The following TMEM117 variants were observed in gnomAD, a reference collection of about 807,000 sequenced individuals.
TMEM117 encodes transmembrane protein 117.
TMEM117 carries 27 observed loss-of-function variants against 52.4 expected under a neutral mutation model. That is an observed-to-expected ratio of 0.51 (90% CI 0.38 to 0.71). The LOEUF is 0.71. TMEM117 is among the 30% of genes least tolerant of loss of function. TMEM117 has a pLI of 0.00. For missense variants in TMEM117, 556 were observed against 630.5 expected (o/e 0.88, Z 1.26); for synonymous variants, 215 against 206.3 (o/e 1.04, Z -0.36).
the TMEM117 span, chr12:43,795,826 T>C: frequency 2.0e-6 from 3 of 1,480,370 alleles, no homozygotes; most frequent in Non-Finnish European, 2.8e-6. Flanking sequence ...TTCAGGTATA[T>C]GAATGCTCAC....
At chr12:44,131,247 G>A (rs1299636968) in intron 3 of TMEM117, among the ~76,000 whole-genome samples, 1 of 151,986 alleles carries the variant, frequency 6.6e-6, no homozygotes, top group Non-Finnish European at 1.5e-5. Flanking sequence ...TTTCTATTTT[G>A]ACTCCTGTTA....
chr12:44,017,081 A>T (rs1946383524), intron 3 of TMEM117, among the ~76,000 whole-genome samples: 1 of 152,118 alleles, frequency 6.6e-6, no homozygotes, highest in Non-Finnish European at 1.5e-5. Context: ...AGGAGATGGG[A>T]AAGGTATGAT....
At chr12:43,850,591 A>G (rs1943289828) in intron 2 of TMEM117, among the ~76,000 whole-genome samples, 1 of 152,070 alleles carries the variant, frequency 6.6e-6, no homozygotes. Flanking sequence ...CAGTTCAAGC[A>G]TTATCTCCTC....
chr12:43,995,342 G>T (rs1946010680), intron 3 of TMEM117, among the ~76,000 whole-genome samples: 1 of 151,794 alleles, frequency 6.6e-6, no homozygotes, highest in Non-Finnish European at 1.5e-5. Flanking sequence ...TCTGAAGCCT[G>T]TGGTTTTTTT....
chr12:44,199,402 A>G (rs1044658610), intron 4 of TMEM117, among the ~76,000 whole-genome samples: 6 of 152,208 alleles, frequency 3.9e-5, no homozygotes, highest in Non-Finnish European at 8.8e-5. Context: ...GGCTATACAT[A>G]CTGAGAAAGT....
In TMEM117 at chr12:43,941,388, A is replaced by G. The variant is rs144719113; in HGVS notation, c.278-2822A>G. On this transcript the variant is annotated intron_variant, in intron 2 of 7. Coordinates refer to ENST00000266534, the MANE Select transcript of TMEM117 (RefSeq NM_032256.3). Reference sequence around the variant, plus strand: ...TTTTCCAAACCAGCATACCTAAGAAAGGAAGGGGTTACTATTAATAATTAT... The same window carrying G: ...TTTTCCAAACCAGCATACCTAAGAAGGGAAGGGGTTACTATTAATAATTAT... Among the ~76,000 whole-genome samples, 600 of 152,338 alleles carry G rather than the reference A, an allele frequency of 3.9e-3. 7 individuals carry two copies. Among genetic ancestry groups the G allele is most frequent in the African/African-American group, 0.014 (583 of 41,570 alleles).
At chr12:43,947,418 G>C (rs1945151501) in intron 3 of TMEM117, among the ~76,000 whole-genome samples, 1 of 152,182 alleles carries the variant, frequency 6.6e-6, no homozygotes, top group African/African-American at 2.4e-5. Flanking sequence ...ATTTGATCAA[G>C]TGAGCACATT....
intron 4 of TMEM117, among the ~76,000 whole-genome samples, chr12:44,148,187 T>A (rs1010707658): frequency 1.3e-5 from 2 of 152,244 alleles, no homozygotes; most frequent in Non-Finnish European, 2.9e-5. Flanking sequence ...TTTAGTTGTT[T>A]GCCAGTTGGC....
At chr12:44,168,686 ATTTT>A (rs536867216) in intron 4 of TMEM117, among the ~76,000 whole-genome samples, 13 of 152,230 alleles carry the variant, frequency 8.5e-5, no homozygotes, top group Non-Finnish European at 1.5e-4. Context: ...GCTAAAATAT[ATTTT>A]TTTATTGTGA....
chr12:43,841,618 C>G (rs1943117097), intron 1 of TMEM117, among the ~76,000 whole-genome samples: 1 of 152,046 alleles, frequency 6.6e-6, no homozygotes, highest in Non-Finnish European at 1.5e-5. Context: ...TTAAAAACAA[C>G]AAGAAAATAA....
At chr12:44,035,702 A>AT (rs1946699912) in intron 3 of TMEM117, among the ~76,000 whole-genome samples, 2 of 152,140 alleles carry the variant, frequency 1.3e-5, no homozygotes, top group African/African-American at 4.8e-5. Context: ...TCTGGCTTGG[A>AT]TTTTAGATGA....
At chr12:44,077,729 A>C (rs1409062445) in intron 3 of TMEM117, among the ~76,000 whole-genome samples, 2 of 152,184 alleles carry the variant, frequency 1.3e-5, no homozygotes, top group Non-Finnish European at 1.5e-5. Context: ...TTTCACCTGC[A>C]ATTGTGACCT....
At chr12:44,176,955 G>A (rs1468087057) in intron 4 of TMEM117, among the ~76,000 whole-genome samples, 1 of 152,076 alleles carries the variant, frequency 6.6e-6, no homozygotes, top group Non-Finnish European at 1.5e-5. Context: ...ATATCATGGA[G>A]GACTAGCTCA....
chr12:44,217,356 C>T (rs1949731747), intron 5 of TMEM117, among the ~76,000 whole-genome samples: 1 of 152,138 alleles, frequency 6.6e-6, no homozygotes, highest in Non-Finnish European at 1.5e-5. Flanking sequence ...GTGACAGTCC[C>T]CATTGATGAG....
At chr12:43,971,725 T>C (rs1287509950) in intron 3 of TMEM117, among the ~76,000 whole-genome samples, 1 of 152,174 alleles carries the variant, frequency 6.6e-6, no homozygotes, top group African/African-American at 2.4e-5. Context: ...CCTCCAGTAC[T>C]CTAGATGAAA....
chr12:44,276,892 G>GTGTGTGTGTGTGTGTA (rs916321311), intron 5 of TMEM117, among the ~76,000 whole-genome samples: 1 of 145,598 alleles, frequency 6.9e-6, no homozygotes, highest in Admixed American at 6.7e-5. Context: ...TGAAAAGTTT[G>GTGTGTGTGTGTGTGTA]TGTGTGTGTG....
chr12:44,372,348 G>T lies in TMEM117; in HGVS notation c.769-4247G>T, dbSNP rs149173280. Among the ~76,000 whole-genome samples the T allele has an allele frequency of 9.2e-3, 1,400 of 152,116 alleles. 22 individuals are homozygous for T. Among genetic ancestry groups the T allele is most frequent in the African/African-American group, 0.031 (1,293 of 41,500 alleles). ...ATATATATTTTACATTTATGTAGAAGGAAAGAAAGCCATGACTCTCATAAC... is the reference window on the plus strand; with the variant it reads ...ATATATATTTTACATTTATGTAGAATGAAAGAAAGCCATGACTCTCATAAC... On this transcript the variant is annotated intron_variant, in intron 6 of 7. Transcript: ENST00000266534.
the TMEM117 span, chr12:43,795,889 C>T: frequency 1.3e-6 from 1 of 782,684 alleles, no homozygotes; most frequent in Non-Finnish European, 2.0e-6. Flanking sequence ...TAAACAGTTT[C>T]ACTTTCTTCT....
intron 5 of TMEM117, among the ~76,000 whole-genome samples, chr12:44,238,387 G>A (rs532327407): frequency 2.3e-4 from 35 of 152,160 alleles, no homozygotes; most frequent in African/African-American, 8.4e-4. Flanking sequence ...AAAATAGAAG[G>A]AAGGAGGGAG....
Sources: gnomAD v4.1 joint callset for allele counts (sites outside exome capture counted in the v4.1 genomes callset) on GRCh38, gnomAD v4.1.1 for gene constraint, MANE v1.5 for transcripts, NCBI Gene and HGNC (gene_info 2026-07-23, HGNC 2026-07-21) for gene names.